TNFSF4: variants seen among roughly 807,000 people sequenced by gnomAD.
The protein encoded by TNFSF4 is TNF superfamily member 4.
A neutral mutation model predicts 7.3 loss-of-function variants in TNFSF4; 4 were observed. The observed-to-expected ratio is 0.55, with a 90% CI of 0.27 to 1.25. The LOEUF (loss-of-function observed/expected upper bound fraction) is 1.25, where lower values mean the gene tolerates loss of function less well. Ranked by LOEUF, TNFSF4 falls within the 50% of genes most tolerant of loss-of-function variation. The probability of loss-of-function intolerance (pLI) is 0.12; values close to 1 mark genes in which losing one functional copy is unlikely to be tolerated. For missense variants in TNFSF4, 181 were observed against 208.8 expected (o/e 0.87, Z 0.82); for synonymous variants, 76 against 83.7 (o/e 0.91, Z 0.50).
the TNFSF4 span, among the ~76,000 whole-genome samples, chr1:173,415,679 G>A: frequency 6.6e-6 from 1 of 152,222 alleles, no homozygotes; most frequent in African/African-American, 2.4e-5. Flanking sequence ...GTGACCCTCA[G>A]CCTTTCCATG....
the TNFSF4 span, among the ~76,000 whole-genome samples, chr1:173,333,115 G>A: frequency 2.0e-5 from 3 of 152,250 alleles, no homozygotes; most frequent in Admixed American, 2.0e-4. Context: ...GGACACAAGG[G>A]GCAACAAAGG....
At chr1:173,379,822 A>G in the TNFSF4 span, among the ~76,000 whole-genome samples, 11 of 152,190 alleles carry the variant, frequency 7.2e-5, no homozygotes, top group Middle Eastern at 3.2e-3. Context: ...ACACTTTAAA[A>G]CAGACTGTCC....
At chr1:173,189,080 A>G (rs1649361159) in intron 1 of TNFSF4, among the ~76,000 whole-genome samples, 1 of 152,094 alleles carries the variant, frequency 6.6e-6, no homozygotes, top group African/African-American at 2.4e-5. Context: ...TTGCTTTTCC[A>G]TAATATCTCT....
the TNFSF4 span, among the ~76,000 whole-genome samples, chr1:173,437,976 T>C: frequency 3.3e-5 from 5 of 152,090 alleles, no homozygotes; most frequent in African/African-American, 1.2e-4. Context: ...CCCAATAAAA[T>C]CCCACTAGAA....
chr1:173,292,581 T>C, the TNFSF4 span, among the ~76,000 whole-genome samples: 8 of 151,614 alleles, frequency 5.3e-5, no homozygotes, highest in Admixed American at 1.3e-4. Context: ...AAGTGGGGAA[T>C]GACAAAGATG....
chr1:173,280,546 G>A, the TNFSF4 span, among the ~76,000 whole-genome samples: 1 of 152,078 alleles, frequency 6.6e-6, no homozygotes, highest in African/African-American at 2.4e-5. Flanking sequence ...ATTGTTGTGA[G>A]TCCTGATAAT....
the TNFSF4 span, among the ~76,000 whole-genome samples, chr1:173,377,522 C>G: frequency 6.6e-6 from 1 of 152,228 alleles, no homozygotes; most frequent in Non-Finnish European, 1.5e-5. Context: ...CGAGACTAGC[C>G]CATCTATCCT....
chr1:173,324,430 C>T, the TNFSF4 span, among the ~76,000 whole-genome samples: 6 of 152,166 alleles, frequency 3.9e-5, no homozygotes, highest in Non-Finnish European at 8.8e-5. Flanking sequence ...TAAAGACCAT[C>T]AAGGCTAGGA....
At chr1:173,370,557 G>A in the TNFSF4 span, among the ~76,000 whole-genome samples, 2 of 152,160 alleles carry the variant, frequency 1.3e-5, no homozygotes, top group South Asian at 2.1e-4. Flanking sequence ...AAGTGGCTAT[G>A]GGAGGCCTTA....
chr1:173,270,539 A>G, the TNFSF4 span, among the ~76,000 whole-genome samples: 1 of 152,088 alleles, frequency 6.6e-6, no homozygotes, highest in African/African-American at 2.4e-5. Context: ...GAGAGAGTAA[A>G]TAGTATAGGG....
the TNFSF4 span, among the ~76,000 whole-genome samples, chr1:173,228,178 G>A: frequency 2.0e-5 from 3 of 152,218 alleles, no homozygotes; most frequent in East Asian, 1.9e-4. Flanking sequence ...AGGCACCCCC[G>A]AGTAGGAGCA....
At chr1:173,265,918 A>G in the TNFSF4 span, among the ~76,000 whole-genome samples, 3 of 152,180 alleles carry the variant, frequency 2.0e-5, no homozygotes, top group African/African-American at 7.2e-5. Flanking sequence ...CTAGATGGCA[A>G]ATCTAATCAT....
downstream of TNFSF4, among the ~76,000 whole-genome samples, chr1:173,180,167 A>G (rs114698282): frequency 1.3e-5 from 2 of 152,220 alleles, no homozygotes; most frequent in Non-Finnish European, 2.9e-5. Context: ...TCCTTTCTTT[A>G]CCACCCATAT....
At chr1:173,356,943 T>C in the TNFSF4 span, among the ~76,000 whole-genome samples, 82 of 152,300 alleles carry the variant, frequency 5.4e-4, no homozygotes, top group Admixed American at 1.8e-3. Flanking sequence ...AGTGTTTCTG[T>C]ATAAGCAACT....
At chr1:173,256,079 C>T in the TNFSF4 span, among the ~76,000 whole-genome samples, 1 of 152,178 alleles carries the variant, frequency 6.6e-6, no homozygotes, top group Non-Finnish European at 1.5e-5. Flanking sequence ...AGGAAGACAG[C>T]AATGCCTGAT....
the TNFSF4 span, among the ~76,000 whole-genome samples, chr1:173,368,813 A>T: frequency 6.6e-6 from 1 of 152,108 alleles, no homozygotes; most frequent in East Asian, 1.9e-4. Context: ...CTAGGTCCTG[A>T]TGCCTGTCAG....
chr1:173,414,921 T>C, the TNFSF4 span, among the ~76,000 whole-genome samples: 1 of 152,156 alleles, frequency 6.6e-6, no homozygotes, highest in Non-Finnish European at 1.5e-5. Context: ...AACTAGGCCT[T>C]GCCCTTGACC....
At chr1:173,317,205 A>G in the TNFSF4 span, among the ~76,000 whole-genome samples, 15 of 152,204 alleles carry the variant, frequency 9.9e-5, no homozygotes, top group African/African-American at 3.4e-4. Context: ...GACTTTAGCC[A>G]TCTCCACCAA....
the TNFSF4 span, among the ~76,000 whole-genome samples, chr1:173,279,885 C>T: frequency 6.6e-6 from 1 of 152,248 alleles, no homozygotes; most frequent in South Asian, 2.1e-4. Context: ...AATAATCTCA[C>T]TCAACATCAT....
Sources: allele counts gnomAD v4.1 joint callset (sites outside exome capture counted in the v4.1 genomes callset), GRCh38; gene constraint gnomAD v4.1.1; transcripts MANE v1.5; gene names NCBI Gene and HGNC (gene_info 2026-07-23, HGNC 2026-07-21).